Variants in DSG2 observed in about 807,000 individuals in gnomAD.
The protein encoded by DSG2 is desmoglein-2.
In DSG2, 45 loss-of-function variants were observed where a neutral mutation model predicts 75.6. The observed-to-expected ratio is 0.60, with a 90% confidence interval of 0.47 to 0.76. DSG2 has a LOEUF of 0.76. Ranked by LOEUF, DSG2 falls within the 30% of genes least tolerant of loss-of-function variation. DSG2 has a pLI of 0.00. For synonymous variants in DSG2, 429 were observed against 483.9 expected (o/e 0.89, Z 1.49); for missense variants, 1,267 against 1,357.4 (o/e 0.93, Z 1.05).
At chr18:31,522,351 AT>A in intron 6 of DSG2, 102 bp downstream of exon 6, 1 of 1,157,418 alleles carries the variant, frequency 8.6e-7, no homozygotes, top group Non-Finnish European at 1.3e-6. Flanking sequence ...TGTATTCCTT[AT>A]CCATAGGATA....
chr18:31,498,876 TAA>T (rs1225257132), intron 1 of DSG2, among the ~76,000 whole-genome samples: 1 of 152,212 alleles, frequency 6.6e-6, no homozygotes, highest in Non-Finnish European at 1.5e-5. Flanking sequence ...AGTTTTAACT[TAA>T]AGTTTATGAA....
intron 3 of DSG2, 132 bp from the exon 4 acceptor site, chr18:31,520,671 T>C: frequency 1.0e-6 from 1 of 978,594 alleles, no homozygotes; most frequent in Non-Finnish European, 1.5e-6. Context: ...CCAAAGAACT[T>C]CAGAAGGAAA....
chr18:31,541,483 G>A (rs2073267794), intron 13 of DSG2, among the ~76,000 whole-genome samples, 169 bp downstream of exon 13: 1 of 152,218 alleles, frequency 6.6e-6, no homozygotes, highest in Non-Finnish European at 1.5e-5. Context: ...TGTGTTTGTT[G>A]CTGGGGCAGA....
intron 6 of DSG2, among the ~76,000 whole-genome samples, chr18:31,523,001 A>G (rs1210402454): frequency 3.3e-5 from 5 of 152,258 alleles, no homozygotes; most frequent in African/African-American, 1.2e-4. Context: ...TGCTGTATAC[A>G]TAAAGGTTTT....
rs111893401 is a variant in DSG2, at chr18:31,537,923, G to A, written c.1652-828G>A. 8.4e-3 allele frequency among the ~76,000 whole-genome samples: 1,273 copies of A among 152,148 alleles called. 27 individuals are homozygous for A. The highest frequency in any genetic ancestry group is 0.029 in the African/African-American group (1,221 of 41,486). On this transcript the variant is annotated intron_variant, in intron 11 of 14. Coordinates refer to ENST00000261590, the MANE Select transcript of DSG2 (RefSeq NM_001943.5). The stretch of plus-strand genomic sequence containing the variant: ...GAGGCTGAGGCAGGTGAACCTGGGA[G>A]GCAGAGGTTGCAGTGAGCCAAGATG...
At chr18:31,519,566 A>T (rs1202540052) in intron 2 of DSG2, among the ~76,000 whole-genome samples, 3 of 152,148 alleles carry the variant, frequency 2.0e-5, no homozygotes, top group African/African-American at 7.2e-5. Flanking sequence ...CCTGTCTCAA[A>T]AGAAAAAATA....
chr18:31,505,003 T>G (rs76949071), intron 1 of DSG2, among the ~76,000 whole-genome samples: 2 of 152,318 alleles, frequency 1.3e-5, no homozygotes, highest in East Asian at 3.9e-4. Flanking sequence ...ATTTAATCTC[T>G]GAACTGTCTC....
At chr18:31,499,322 C>A (rs910228923) in intron 1 of DSG2, among the ~76,000 whole-genome samples, 1 of 151,824 alleles carries the variant, frequency 6.6e-6, no homozygotes, top group South Asian at 2.1e-4. Context: ...ATGAGCCCTT[C>A]TATCCTCGAG....
intron 1 of DSG2, among the ~76,000 whole-genome samples, chr18:31,500,023 TG>T (rs1352987817): frequency 1.5e-5 from 2 of 133,900 alleles, no homozygotes; most frequent in African/African-American, 3.0e-5. Flanking sequence ...TGTTTGCAGT[TG>T]CAGTTTTTTG....
chr18:31,520,674 G>C, intron 3 of DSG2, 129 bp from the exon 4 acceptor site: 1 of 1,003,822 alleles, frequency 1.0e-6, no homozygotes, highest in Admixed American at 2.4e-5. Context: ...AAGAACTTCA[G>C]AAGGAAATTG....
chr18:31,542,788 T>C lies in DSG2; in HGVS notation c.2270T>C (p.Met757Thr), dbSNP rs876657792. 2 of 1,601,914 alleles carry C rather than the reference T, an allele frequency of 1.2e-6. No individual in the cohort carries two copies. Among genetic ancestry groups the C allele is most frequent in the Middle Eastern group, 1.7e-4 (1 of 5,986 alleles). ...AGGGCCACAGGGGCTTCCAGAGACA[T>C]GGCCGGAGCTCAGGCAGCTGCTGTT... Reference protein sequence around the residue: ...TARATGASRDMAGAQAAAVAL... With the variant: ...TARATGASRDTAGAQAAAVAL... The change falls in exon 14 of 15, where the codon ATG becomes ACG. Residue 757 changes from methionine to threonine, a missense_variant. Met to Thr is a moderately conservative substitution (Grantham distance 81). Coordinates refer to ENST00000261590, the MANE Select transcript of DSG2 (RefSeq NM_001943.5).
At chr18:31,500,632 C>T (rs1379234841) in intron 1 of DSG2, among the ~76,000 whole-genome samples, 4 of 152,146 alleles carry the variant, frequency 2.6e-5, no homozygotes, top group South Asian at 4.1e-4. Flanking sequence ...CCATTCAGAA[C>T]GAAGCCTGCA....
At chr18:31,536,143 T>A in intron 10 of DSG2, 59 bp from the exon 11 acceptor site, 1 of 1,539,260 alleles carries the variant, frequency 6.5e-7, no homozygotes, top group Non-Finnish European at 8.9e-7. Flanking sequence ...GAATTCAAAC[T>A]ATGTCTGTTG....
chr18:31,542,416 T>A (rs1197704416), intron 13 of DSG2, 104 bp from the exon 14 acceptor site: 14 of 1,237,432 alleles, frequency 1.1e-5, no homozygotes, highest in Non-Finnish European at 1.7e-5. Context: ...TCAGTGGAAA[T>A]AGCTTATACC....
rs1162789793 is a variant in DSG2 at position 31,547,977 on chromosome 18, T to C, written c.*1234T>C. ...AACATGGGTGCCAAATAAATATTCG[T>C]AGAATTACACTGAATTGTAAAAACC... On this transcript the variant is annotated 3_prime_UTR_variant, in exon 15 of 15. Transcript: ENST00000261590. 6.6e-6 allele frequency: 1 copy of C among 152,170 alleles called. No individual in the cohort carries two copies. Among genetic ancestry groups the C allele is most frequent in the Non-Finnish European group, 1.5e-5 (1 of 68,038 alleles). The allele number at this position is 152,170 out of a possible 1,614,324, so 9.4% of individuals were successfully genotyped here.
intron 8 of DSG2, among the ~76,000 whole-genome samples, chr18:31,529,127 A>G (rs1239921456): frequency 1.3e-5 from 2 of 152,244 alleles, no homozygotes; most frequent in Non-Finnish European, 2.9e-5. Context: ...AAATTAACAA[A>G]TAAACTTACA....
In DSG2 at chr18:31,545,885, C is replaced by T. The variant is rs752085480; in HGVS notation, c.2499C>T (p.Phe833=). 1 of 1,613,932 alleles carries T rather than the reference C, an allele frequency of 6.2e-7. No homozygotes were observed. Among genetic ancestry groups the T allele is most frequent in the Non-Finnish European group, 8.5e-7 (1 of 1,180,024 alleles). Residue 833 remains phenylalanine (F), a synonymous_variant, in exon 15 of 15, where the codon TTC becomes TTT. Transcript: ENST00000261590. ...TCTTAGATGATTTGGGACTTAAATT[C>T]AAGACACTAGCTGAAGTTTGCCTGG... The part of the protein sequence containing the change: ...DRFLDDLGLK[F]KTLAEVCLGQ...
chr18:31,506,926 T>C (rs1024189840), intron 1 of DSG2, among the ~76,000 whole-genome samples: 2 of 152,134 alleles, frequency 1.3e-5, no homozygotes, highest in East Asian at 3.8e-4. Flanking sequence ...CTTTTTTGTT[T>C]TTTCTTTTTT....
At chr18:31,526,466 A>G (rs1209174844) in intron 8 of DSG2, among the ~76,000 whole-genome samples, 2 of 152,216 alleles carry the variant, frequency 1.3e-5, no homozygotes, top group Non-Finnish European at 2.9e-5. Context: ...TACCTTTTTA[A>G]AAGCAGAGTA....
Sources: gnomAD v4.1 joint callset for allele counts (sites outside exome capture counted in the v4.1 genomes callset) on GRCh38, gnomAD v4.1.1 for gene constraint, MANE v1.5 for transcripts, NCBI Gene and HGNC (gene_info 2026-07-23, HGNC 2026-07-21) for gene names.